TPO: variants seen among roughly 807,000 people sequenced by gnomAD.
The protein encoded by TPO is thyroid microsomal antigen.
In TPO, 78 loss-of-function variants were observed where a neutral mutation model predicts 96.9. The observed-to-expected ratio is 0.81, with a 90% CI of 0.67 to 0.97. The LOEUF (loss-of-function observed/expected upper bound fraction) is 0.97. Among genes scored for constraint, TPO ranks in the 50% least tolerant of loss-of-function variants. The pLI is 0.00. For synonymous variants in TPO, 547 were observed against 538.0 expected, an observed-to-expected ratio of 1.02 and a Z score of -0.23; for missense variants, 1,252 against 1,274.8, an observed-to-expected ratio of 0.98 and a Z score of 0.27.
intron 4 of TPO, 85 bp downstream of exon 4, chr2:1,433,692 G>T: frequency 6.6e-7 from 1 of 1,524,494 alleles, no homozygotes; most frequent in Non-Finnish European, 8.9e-7. Context: ...CTTGCTCAGG[G>T]CATGTTTTTT....
At chr2:1,528,833 T>C (rs1472992544) in intron 15 of TPO, among the ~76,000 whole-genome samples, 24 of 35,308 alleles carry the variant, frequency 6.8e-4, no homozygotes, top group Admixed American at 1.0e-3. Flanking sequence ...CAAATCCTCC[T>C]ACTGTGTGCA....
chr2:1,473,238 G>C (rs1463139978), intron 7 of TPO, among the ~76,000 whole-genome samples: 1 of 152,176 alleles, frequency 6.6e-6, no homozygotes, highest in Non-Finnish European at 1.5e-5. Context: ...TACAGCACGG[G>C]TTTCCATTCA....
At chr2:1,470,602 G>A (rs960482560) in intron 7 of TPO, among the ~76,000 whole-genome samples, 4 of 151,070 alleles carry the variant, frequency 2.6e-5, no homozygotes, top group African/African-American at 7.3e-5. Flanking sequence ...ATACAACTTT[G>A]TTTTATTCTG....
intron 5 of TPO, among the ~76,000 whole-genome samples, chr2:1,445,456 T>G (rs1402484500): frequency 6.8e-5 from 8 of 117,208 alleles, no homozygotes; most frequent in Non-Finnish European, 1.2e-4. Context: ...CTTGTTTGTA[T>G]GATCCAGTCA....
intron 4 of TPO, among the ~76,000 whole-genome samples, chr2:1,434,513 G>A (rs970731393): frequency 3.3e-5 from 5 of 152,258 alleles, no homozygotes; most frequent in South Asian, 4.2e-4. Context: ...ATGGCTGAAC[G>A]ATGTTTCTAA....
intron 1 of TPO, among the ~76,000 whole-genome samples, chr2:1,384,481 T>A (rs999465354): frequency 6.6e-6 from 1 of 152,212 alleles, no homozygotes; most frequent in Admixed American, 6.5e-5. Flanking sequence ...CAATTGTGAA[T>A]GGGAGTTCAC....
intron 15 of TPO, among the ~76,000 whole-genome samples, chr2:1,532,389 T>C (rs1237245690): frequency 2.4e-5 from 1 of 42,424 alleles, no homozygotes; most frequent in African/African-American, 1.1e-4. Flanking sequence ...CCTCCTCAAA[T>C]CCCCCACCAC....
At chr2:1,514,501 C>T (rs982401697) in intron 14 of TPO, among the ~76,000 whole-genome samples, 5 of 152,196 alleles carry the variant, frequency 3.3e-5, no homozygotes, top group African/African-American at 1.2e-4. Context: ...CAAAGGCCCT[C>T]GTTGGCCTTC....
chr2:1,391,819 C>G (rs907995646), intron 1 of TPO, among the ~76,000 whole-genome samples: 1 of 152,094 alleles, frequency 6.6e-6, no homozygotes, highest in Non-Finnish European at 1.5e-5. Context: ...CTCTGTTTGT[C>G]TGTTGTTGGT....
At chr2:1,436,471 C>T (rs1665584049) in intron 5 of TPO, 87 bp downstream of exon 5, 1 of 1,581,102 alleles carries the variant, frequency 6.3e-7, no homozygotes, top group Admixed American at 1.8e-5. Flanking sequence ...TCTACCACCA[C>T]TGGTGGATCT....
chr2:1,430,826 C>T (rs1664904435), intron 3 of TPO, among the ~76,000 whole-genome samples: 1 of 152,202 alleles, frequency 6.6e-6, no homozygotes, highest in Non-Finnish European at 1.5e-5. Context: ...GCTGATTTCT[C>T]CCTTTTAGAA....
At chr2:1,418,480 G>C (rs905511317) in intron 2 of TPO, among the ~76,000 whole-genome samples, 6 of 152,206 alleles carry the variant, frequency 3.9e-5, no homozygotes, top group Admixed American at 6.5e-5. Context: ...AAAGCACAAA[G>C]AGAAATAAAC....
At chr2:1,485,067 C>A (rs909418606) in intron 9 of TPO, among the ~76,000 whole-genome samples, 1 of 151,712 alleles carries the variant, frequency 6.6e-6, no homozygotes, top group East Asian at 1.9e-4. Flanking sequence ...TGACCCCCAC[C>A]CCACGACAGA....
At chr2:1,464,547 T>C (rs1157626551) in intron 7 of TPO, among the ~76,000 whole-genome samples, 1 of 152,154 alleles carries the variant, frequency 6.6e-6, no homozygotes, top group Non-Finnish European at 1.5e-5. Context: ...CTTTTCACCA[T>C]ATCCACACCA....
In TPO at chr2:1,438,827, A is replaced by T. The variant is rs1379025135; in HGVS notation, c.482+2443A>T. 4 of 716,262 alleles carry T rather than the reference A, an allele frequency of 5.6e-6. No homozygotes were observed. In the African/African-American group the frequency reaches 7.0e-5, roughly 13 times the overall value. The allele number at this position is 716,262 out of a possible 1,614,324, so 44.4% of individuals were successfully genotyped here. The stretch of plus-strand genomic sequence containing the variant: ...TGCCTGGATTAAAGAAAAATGAAAT[A>T]TAAGCCCGACCATTCCGAAACTGCC... On this transcript the variant is annotated intron_variant, in intron 5 of 16. Coordinates refer to ENST00000329066, the MANE Select transcript of TPO (RefSeq NM_001206744.2).
At chr2:1,500,870 G>A (rs769690692) in intron 13 of TPO, among the ~76,000 whole-genome samples, 3 of 151,838 alleles carry the variant, frequency 2.0e-5, no homozygotes, top group Admixed American at 2.0e-4. Context: ...TACCCAGGAG[G>A]CTGAGGCAAG....
Position 1,495,984 on chromosome 2 carries a change from T to C in TPO, c.2007-5T>C, listed in dbSNP as rs374558153. The stretch of plus-strand genomic sequence containing the variant: ...TGACCTTACTCACTGTCTCCTTCTC[T>C]GGAGGTTTTGGTGGGAGAACAGCCA... On this transcript the variant is annotated splice_region_variant and splice_polypyrimidine_tract_variant and intron_variant, in intron 11 of 16. Coordinates refer to ENST00000329066, the MANE Select transcript of TPO (RefSeq NM_001206744.2). 252 of 1,611,868 alleles carry C rather than the reference T, an allele frequency of 1.6e-4. No individual in the cohort carries two copies. Among genetic ancestry groups the C allele is most frequent in the Non-Finnish European group, 2.0e-4 (231 of 1,179,836 alleles).
intron 14 of TPO, among the ~76,000 whole-genome samples, chr2:1,515,394 G>A (rs763674648): frequency 2.6e-5 from 4 of 152,236 alleles, no homozygotes; most frequent in Non-Finnish European, 5.9e-5. Flanking sequence ...TGTGAAAGGT[G>A]GCAGGAAGGA....
At chr2:1,448,964 G>C (rs1466319804) in intron 5 of TPO, among the ~76,000 whole-genome samples, 4 of 152,158 alleles carry the variant, frequency 2.6e-5, no homozygotes, top group African/African-American at 7.2e-5. Context: ...AACGAACGTG[G>C]CATGGACATT....
Sources: gnomAD v4.1 joint callset for allele counts (sites outside exome capture counted in the v4.1 genomes callset) on GRCh38, gnomAD v4.1.1 for gene constraint, MANE v1.5 for transcripts, NCBI Gene and HGNC (gene_info 2026-07-23, HGNC 2026-07-21) for gene names.